Variants in SLC4A4 observed in about 807,000 individuals in gnomAD.
SLC4A4 encodes the protein electrogenic sodium bicarbonate cotransporter 1.
A neutral mutation model predicts 111.5 loss-of-function variants in SLC4A4; 27 were observed. That is an observed-to-expected ratio of 0.24 (90% CI 0.18 to 0.33). The LOEUF is 0.33. Ranked by LOEUF, SLC4A4 falls within the 10% of genes least tolerant of loss-of-function variation. The pLI is 1.00. For synonymous variants in SLC4A4, 443 were observed against 463.4 expected (o/e 0.96, Z 0.57); for missense variants, 909 against 1,315.5 (o/e 0.69, Z 4.78).
At chr4:71,519,686 G>C (rs1259905201) in intron 16 of SLC4A4, among the ~76,000 whole-genome samples, 2 of 152,162 alleles carry the variant, frequency 1.3e-5, no homozygotes, top group African/African-American at 4.8e-5. Flanking sequence ...CTAGGCTGGA[G>C]TGCAGTGGCA....
intron 2 of SLC4A4, among the ~76,000 whole-genome samples, chr4:71,157,518 A>C (rs776714983): frequency 6.6e-6 from 1 of 152,186 alleles, no homozygotes; most frequent in Admixed American, 6.5e-5. Context: ...AAAAATTAGC[A>C]TAAGCAATAT....
At chr4:71,122,310 T>A (rs1743455530) in intron 2 of SLC4A4, among the ~76,000 whole-genome samples, 1 of 54,096 alleles carries the variant, frequency 1.8e-5, no homozygotes. Context: ...CAAGACTCTG[T>A]CTCAAAAAAA....
intron 16 of SLC4A4, among the ~76,000 whole-genome samples, chr4:71,500,060 T>G (rs4694095): frequency 0.58 from 88,170 of 151,624 alleles, 28,420 homozygotes; most frequent in Non-Finnish European, 0.74. Context: ...TGTACAAGGG[T>G]TACCTTTTCT....
At chr4:71,150,863 G>A (rs1165875314) in intron 2 of SLC4A4, among the ~76,000 whole-genome samples, 1 of 152,092 alleles carries the variant, frequency 6.6e-6, no homozygotes, top group Non-Finnish European at 1.5e-5. Flanking sequence ...TGCGCTCAAA[G>A]GTCTGGAATC....
intron 3 of SLC4A4, among the ~76,000 whole-genome samples, chr4:71,270,918 G>T (rs1193404256): frequency 1.3e-5 from 2 of 152,186 alleles, no homozygotes; most frequent in African/African-American, 4.8e-5. Context: ...ATTAGCTTGA[G>T]ATACTTACTG....
At chr4:71,460,791 G>T (rs1726749461) in intron 12 of SLC4A4, among the ~76,000 whole-genome samples, 1 of 152,072 alleles carries the variant, frequency 6.6e-6, no homozygotes. Context: ...TCACTTGGGG[G>T]ACTTAAAAAC....
At chr4:71,311,890 TGAGAGAGAGAGAGAGAGAGA>T (rs761331086) in intron 3 of SLC4A4, among the ~76,000 whole-genome samples, 1 of 76,540 alleles carries the variant, frequency 1.3e-5, no homozygotes, top group Non-Finnish European at 2.6e-5. Flanking sequence ...TGCAAGGCTG[TGAGAGAGAGAGAGAGAGAGA>T]GAGAGAGAGA....
At position 71,568,740 on chromosome 4, in the gene SLC4A4, T is replaced by A. The variant is rs34921070; in HGVS notation, c.*989T>A. On this transcript the variant is annotated 3_prime_UTR_variant, in exon 26 of 26. Transcript: ENST00000264485. ...TGCCAGGCTTTCTGTAAAAATTGTA[T>A]TGTATATAATGTGATTTTTACACAT... is the stretch of plus-strand genomic sequence containing the variant. 0.059 allele frequency: 8,927 copies of A among 152,236 alleles called. 383 individuals carry two copies. Among genetic ancestry groups the A allele is most frequent in the Non-Finnish European group, 0.089 (6,019 of 67,782 alleles). 9.4% of individuals were successfully genotyped at this position (152,236 alleles called of 1,614,324 possible).
chr4:71,556,918 T>A (rs1454603405), intron 21 of SLC4A4, among the ~76,000 whole-genome samples: 1 of 152,038 alleles, frequency 6.6e-6, no homozygotes, highest in African/African-American at 2.4e-5. Context: ...TTACTGAGCA[T>A]CTTTCATTGA....
intron 16 of SLC4A4, among the ~76,000 whole-genome samples, chr4:71,499,362 A>G (rs1056859630): frequency 6.6e-6 from 1 of 152,302 alleles, no homozygotes; most frequent in Non-Finnish European, 1.5e-5. Flanking sequence ...CTGGAGTACA[A>G]TGTGACATAT....
chr4:71,090,044 C>G (rs1208560476), intron 1 of SLC4A4, among the ~76,000 whole-genome samples: 1 of 151,816 alleles, frequency 6.6e-6, no homozygotes, highest in East Asian at 1.9e-4. Flanking sequence ...TGGGCTCCAC[C>G]CAGTTCGAGC....
chr4:71,564,483 T>C (rs917014134), intron 24 of SLC4A4, among the ~76,000 whole-genome samples: 2 of 151,916 alleles, frequency 1.3e-5, no homozygotes, highest in African/African-American at 4.8e-5. Flanking sequence ...CTGATCTTTC[T>C]AGGGTGATAG....
intron 3 of SLC4A4, among the ~76,000 whole-genome samples, chr4:71,329,319 A>C (rs184082750): frequency 4.2e-4 from 64 of 152,126 alleles, no homozygotes; most frequent in African/African-American, 1.5e-3. Flanking sequence ...TTGTGGTTCC[A>C]TATAGATTGT....
chr4:71,536,465 CATAT>C (rs869091643), intron 18 of SLC4A4, among the ~76,000 whole-genome samples: 6 of 40,706 alleles, frequency 1.5e-4, no homozygotes, highest in African/African-American at 4.8e-4. Flanking sequence ...TACATATATA[CATAT>C]ATATATATAT....
chr4:71,409,692 C>T (rs929908640), intron 7 of SLC4A4, among the ~76,000 whole-genome samples: 2 of 152,168 alleles, frequency 1.3e-5, no homozygotes, highest in African/African-American at 2.4e-5. Context: ...AAGCCAGCTG[C>T]AGAACTTTGC....
At chr4:71,346,612 G>T (rs1173267768) in intron 4 of SLC4A4, among the ~76,000 whole-genome samples, 28 of 151,540 alleles carry the variant, frequency 1.8e-4, no homozygotes. Context: ...TGGTACTTTT[G>T]CCTTAGCCTT....
chr4:71,500,540 T>G (rs532026910), intron 16 of SLC4A4, among the ~76,000 whole-genome samples: 1 of 152,318 alleles, frequency 6.6e-6, no homozygotes, highest in South Asian at 2.1e-4. Flanking sequence ...CAGGCTGGTC[T>G]TGAACTCCTG....
At position 71,103,759 on chromosome 4, in the gene SLC4A4, T is replaced by C. The variant is rs1480897251; in HGVS notation, c.-2+10967T>C. Among the ~76,000 whole-genome samples the C allele has an allele frequency of 7.2e-5, 11 of 152,132 alleles. No homozygotes were observed. The South Asian group carries it at 1.3e-3, about 17-fold the overall frequency. ...ACACAACATACCAGAATCTCTGGGA[T>C]GCATTTAAAGCAGTGTGGAGAGGGA... is the stretch of plus-strand genomic sequence containing the variant. On this transcript the variant is annotated intron_variant, in intron 2 of 26. Coordinates refer to the SLC4A4 transcript ENST00000649996.
At chr4:71,086,210 G>T (rs1014194600) in intron 1 of SLC4A4, among the ~76,000 whole-genome samples, 13 of 151,616 alleles carry the variant, frequency 8.6e-5, no homozygotes, top group Admixed American at 4.6e-4. Context: ...CTGTTTGTCT[G>T]TTATTGGTGT....
Sources: allele counts gnomAD v4.1 joint callset (sites outside exome capture counted in the v4.1 genomes callset), GRCh38; gene constraint gnomAD v4.1.1; transcripts MANE v1.5; gene names NCBI Gene and HGNC (gene_info 2026-07-23, HGNC 2026-07-21).